The following SLC4A7 variants were observed in gnomAD, a reference collection of about 807,000 sequenced individuals.
SLC4A7 encodes the protein sodium bicarbonate cotransporter 3.
Under a neutral mutation model 137.6 loss-of-function variants are expected in SLC4A7, and 51 were observed. That is an observed-to-expected ratio of 0.37 (90% CI 0.30 to 0.47). The LOEUF is 0.47. SLC4A7 is among the 20% of genes least tolerant of loss of function. The probability of loss-of-function intolerance (pLI) is 1.00; values close to 1 mark genes in which losing one functional copy is unlikely to be tolerated. For synonymous variants in SLC4A7, 542 were observed against 518.6 expected (o/e 1.05, Z -0.61); for missense variants, 1,247 against 1,525.4 (o/e 0.82, Z 3.04).
intron 23 of SLC4A7, among the ~76,000 whole-genome samples, chr3:27,384,533 T>G (rs1364368982): frequency 2.0e-5 from 3 of 152,198 alleles, no homozygotes; most frequent in African/African-American, 4.8e-5. Flanking sequence ...AATAACCTTG[T>G]GTTTAAAGGC....
intron 1 of SLC4A7, chr3:27,456,792 G>T (rs1010334925): frequency 6.6e-7 from 1 of 1,503,840 alleles, no homozygotes; most frequent in Non-Finnish European, 8.8e-7. Context: ...TTGCAGAGAT[G>T]AATTCTTCTA....
intron 1 of SLC4A7, among the ~76,000 whole-genome samples, chr3:27,473,675 C>T (rs1372436667): frequency 7.1e-6 from 1 of 140,370 alleles, no homozygotes; most frequent in African/African-American, 2.7e-5. Context: ...ATCAGCACTC[C>T]AGCCTGGGTG....
At chr3:27,427,884 T>C (rs1402233151) in intron 7 of SLC4A7, among the ~76,000 whole-genome samples, 1 of 152,232 alleles carries the variant, frequency 6.6e-6, no homozygotes, top group South Asian at 2.1e-4. Flanking sequence ...AAAAAATGTA[T>C]GTTGGATTCT....
intron 1 of SLC4A7, among the ~76,000 whole-genome samples, chr3:27,471,385 A>G (rs1287743756): frequency 2.0e-5 from 3 of 152,294 alleles, no homozygotes; most frequent in African/African-American, 7.2e-5. Flanking sequence ...AGCTATTCAG[A>G]TTGGAGAACA....
chr3:27,400,996 G>T (rs1244132902), intron 15 of SLC4A7, 127 bp from the exon 16 acceptor site: 4 of 544,054 alleles, frequency 7.4e-6, no homozygotes, highest in Non-Finnish European at 1.3e-5. Flanking sequence ...ATGGAGACTA[G>T]AAAGTGGAAA....
intron 22 of SLC4A7, among the ~76,000 whole-genome samples, chr3:27,387,481 C>A (rs2051094427): frequency 6.6e-6 from 1 of 152,044 alleles, no homozygotes; most frequent in South Asian, 2.1e-4. Flanking sequence ...CACCCCCCAC[C>A]CCAACACATA....
intron 7 of SLC4A7, among the ~76,000 whole-genome samples, chr3:27,425,326 C>T (rs1467530931): frequency 7.1e-6 from 1 of 140,654 alleles, no homozygotes; most frequent in Non-Finnish European, 1.5e-5. Context: ...GCCAAGATTG[C>T]ACCATTGCAC....
intron 8 of SLC4A7, chr3:27,422,865 A>G (rs1438128801): frequency 2.2e-6 from 1 of 451,718 alleles, no homozygotes; most frequent in Admixed American, 2.4e-5. Flanking sequence ...ACAAGGAAGT[A>G]TACACAAAGA....
intron 16 of SLC4A7, among the ~76,000 whole-genome samples, chr3:27,400,065 C>T (rs749247831): frequency 2.6e-4 from 39 of 152,110 alleles, no homozygotes; most frequent in Admixed American, 2.6e-3. Flanking sequence ...AAAAGCACAA[C>T]GGTAGCTCAA....
chr3:27,476,461 CAACT>C (rs1480554687), intron 1 of SLC4A7, among the ~76,000 whole-genome samples: 7 of 152,178 alleles, frequency 4.6e-5, no homozygotes, highest in Non-Finnish European at 4.4e-5. Context: ...CTTGACTAAA[CAACT>C]AACTAGCAGT....
At chr3:27,413,032 T>C (rs1429398876) in intron 11 of SLC4A7, among the ~76,000 whole-genome samples, 1 of 152,112 alleles carries the variant, frequency 6.6e-6, no homozygotes, top group Non-Finnish European at 1.5e-5. Context: ...AAAATAACTT[T>C]TAAAGACTGC....
chr3:27,458,614 G>C (rs913563288), intron 1 of SLC4A7, among the ~76,000 whole-genome samples: 5 of 152,088 alleles, frequency 3.3e-5, no homozygotes. Flanking sequence ...TCAAATACAA[G>C]AATAAGACAT....
intron 20 of SLC4A7, among the ~76,000 whole-genome samples, chr3:27,394,073 C>G (rs954189123): frequency 6.6e-6 from 1 of 152,126 alleles, no homozygotes; most frequent in Admixed American, 6.5e-5. Flanking sequence ...GGTTGGAGTG[C>G]AGTGGCCCAA....
intron 18 of SLC4A7, among the ~76,000 whole-genome samples, chr3:27,396,433 T>A (rs2150116284): frequency 6.6e-6 from 1 of 152,220 alleles, no homozygotes; most frequent in Middle Eastern, 3.4e-3. Flanking sequence ...GGAAATTACA[T>A]CACGTTTTGA....
At chr3:27,478,797 G>C (rs1207403146) in intron 1 of SLC4A7, among the ~76,000 whole-genome samples, 1 of 149,060 alleles carries the variant, frequency 6.7e-6, no homozygotes, top group Non-Finnish European at 1.5e-5. Flanking sequence ...AGACCAGCCT[G>C]GCCAACATAG....
chr3:27,400,742 C>A lies in SLC4A7; in HGVS notation c.2427+22G>T, dbSNP rs757684144. The stretch of plus-strand genomic sequence containing the variant: ...CCAGATCAATATCTATTACAAAACC[C>A]TTTATTTCAAAATATACTCACAGAA... On this transcript the variant is annotated intron_variant, in intron 16 of 25. Coordinates refer to ENST00000454389, the MANE Select transcript of SLC4A7 (RefSeq NM_001321103.2). 5 of 1,415,346 alleles carry A rather than the reference C, an allele frequency of 3.5e-6. No individual in the cohort carries two copies. In the East Asian group the frequency reaches 1.1e-4, roughly 32 times the overall value. 87.7% of individuals were successfully genotyped at this position (1,415,346 alleles called of 1,614,324 possible). A position where few individuals can be genotyped will look rare whatever the true frequency, so the allele number is the denominator to read the frequency against.
At chr3:27,379,625 A>ACT (rs1257541421) in intron 24 of SLC4A7, among the ~76,000 whole-genome samples, 3 of 152,120 alleles carry the variant, frequency 2.0e-5, no homozygotes, top group Non-Finnish European at 4.4e-5. Flanking sequence ...CTTCGGCAGC[A>ACT]CTCTAGCAAT....
At chr3:27,386,099 A>AAGTAACACATAATACAAACTGTATCAC in intron 22 of SLC4A7, 76 bp from the exon 23 acceptor site, 1 of 1,168,002 alleles carries the variant, frequency 8.6e-7, no homozygotes, top group Non-Finnish European at 1.2e-6. Flanking sequence ...AAGCATATTT[A>AAGTAACACATAATACAAACTGTATCAC]TTAAATCTTA....
At chr3:27,389,712 T>C (rs2051337059) in intron 22 of SLC4A7, among the ~76,000 whole-genome samples, 1 of 152,068 alleles carries the variant, frequency 6.6e-6, no homozygotes, top group African/African-American at 2.4e-5. Context: ...TCCTATAGCC[T>C]AAGGACTAAA....
Sources: allele counts gnomAD v4.1 joint callset (sites outside exome capture counted in the v4.1 genomes callset), GRCh38; gene constraint gnomAD v4.1.1; transcripts MANE v1.5; gene names NCBI Gene and HGNC (gene_info 2026-07-23, HGNC 2026-07-21).